Variants in CYFIP2 observed in about 807,000 individuals in gnomAD.
The protein encoded by CYFIP2 is cytoplasmic FMR1 interacting protein 2.
A neutral mutation model predicts 158.7 loss-of-function variants in CYFIP2; 29 were observed. That is an observed-to-expected ratio of 0.18 (90% CI 0.14 to 0.25). The LOEUF is 0.25. CYFIP2 is among the 10% of genes least tolerant of loss of function. CYFIP2 has a pLI of 1.00. For synonymous variants in CYFIP2, 585 were observed against 617.6 expected, an observed-to-expected ratio of 0.95 and a Z score of 0.78; for missense variants, 852 against 1,639.5, an observed-to-expected ratio of 0.52 and a Z score of 8.29.
chr5:157,385,629 C>T (rs1766603317), intron 28 of CYFIP2, among the ~76,000 whole-genome samples: 3 of 152,040 alleles, frequency 2.0e-5, no homozygotes, highest in Admixed American at 6.6e-5. Flanking sequence ...CTTCTCCACC[C>T]CTGAATTATC....
rs565413789 is a variant in CYFIP2 at position 157,297,949 on chromosome 5, A to G, written c.387+1175A>G. Among the ~76,000 whole-genome samples, 323 of 152,314 alleles carry G rather than the reference A, an allele frequency of 2.1e-3. 1 individual carries two copies. The highest frequency in any genetic ancestry group is 7.1e-3 in the African/African-American group (296 of 41,570). ...ATATTGGACAGTGCAGATATGGACC[A>G]TTTTCATCTCCCAGAGTTTAGTTGG... On this transcript the variant is annotated intron_variant, in intron 5 of 30. Transcript: ENST00000620254.
At chr5:157,298,940 A>T (rs1363546933) in intron 5 of CYFIP2, among the ~76,000 whole-genome samples, 1 of 152,104 alleles carries the variant, frequency 6.6e-6, no homozygotes, top group Non-Finnish European at 1.5e-5. Flanking sequence ...CATTGTATGG[A>T]TATACCGTAT....
At chr5:157,315,183 G>T in intron 13 of CYFIP2, 89 bp downstream of exon 13, 1 of 1,507,424 alleles carries the variant, frequency 6.6e-7, no homozygotes, top group Non-Finnish European at 8.9e-7. Flanking sequence ...AAACAGCATC[G>T]GTTGCCCTAA....
chr5:157,273,049 G>A (rs1034864505), intron 1 of CYFIP2, among the ~76,000 whole-genome samples: 1 of 151,972 alleles, frequency 6.6e-6, no homozygotes, highest in Admixed American at 6.6e-5. Flanking sequence ...TAATTTTAGT[G>A]GAAATGGGGT....
intron 26 of CYFIP2, among the ~76,000 whole-genome samples, chr5:157,382,073 G>T (rs1393355349): frequency 6.6e-6 from 1 of 152,140 alleles, no homozygotes; most frequent in Non-Finnish European, 1.5e-5. Flanking sequence ...AAACCAATCT[G>T]GCCTGGGTTC....
Position 157,393,206 on chromosome 5 carries a change from T to TC in CYFIP2, c.*206_*207insC. 2 of 304,724 alleles carry TC rather than the reference T, an allele frequency of 6.6e-6. No homozygotes were observed. The highest frequency in any genetic ancestry group is 5.3e-6 in the Non-Finnish European group (1 of 187,100). The allele number at this position is 304,724 out of a possible 1,614,324, so 18.9% of individuals were successfully genotyped here. A position where few individuals can be genotyped will look rare whatever the true frequency, so the allele number is the denominator to read the frequency against. On this transcript the variant is annotated 3_prime_UTR_variant, in exon 31 of 31. Transcript: ENST00000620254. ...CATGCTGGTTTCTCCATAGCATAAA[T>TC]GAAAAAAAAAAAAAAAAAGTAAACA...
chr5:157,289,377 G>A (rs1757647310), intron 3 of CYFIP2, among the ~76,000 whole-genome samples: 2 of 152,242 alleles, frequency 1.3e-5, no homozygotes. Flanking sequence ...TCGGGGCATA[G>A]AGGGTGTATT....
intron 27 of CYFIP2, 88 bp from the exon 28 acceptor site, chr5:157,383,177 A>T: frequency 8.9e-7 from 1 of 1,127,320 alleles, no homozygotes; most frequent in Non-Finnish European, 1.3e-6. Flanking sequence ...GAATGCAGAT[A>T]CATCATCAGG....
intron 3 of CYFIP2, among the ~76,000 whole-genome samples, chr5:157,294,407 G>GT (rs1269448868): frequency 1.3e-5 from 2 of 152,128 alleles, no homozygotes; most frequent in East Asian, 1.9e-4. Context: ...TTTCTGTTTT[G>GT]TTTTTTAACC....
intron 26 of CYFIP2, among the ~76,000 whole-genome samples, chr5:157,380,801 T>A (rs1009116068): frequency 1.3e-5 from 2 of 152,236 alleles, no homozygotes; most frequent in Non-Finnish European, 2.9e-5. Context: ...TTAGCCTGAA[T>A]GATCAGTAAG....
chr5:157,377,637 C>T (rs1765615433), intron 26 of CYFIP2, among the ~76,000 whole-genome samples: 1 of 152,136 alleles, frequency 6.6e-6, no homozygotes, highest in South Asian at 2.1e-4. Flanking sequence ...AGCCTTGTGC[C>T]TATTATTTGC....
intron 1 of CYFIP2, among the ~76,000 whole-genome samples, chr5:157,285,133 A>C (rs991508160): frequency 1.3e-5 from 2 of 152,208 alleles, no homozygotes; most frequent in African/African-American, 4.8e-5. Context: ...AACCAAGTGC[A>C]CACAAAATAC....
At chr5:157,271,024 G>A (rs1032915451) in intron 1 of CYFIP2, among the ~76,000 whole-genome samples, 3 of 152,206 alleles carry the variant, frequency 2.0e-5, no homozygotes, top group African/African-American at 7.2e-5. Flanking sequence ...AAAAACTGTG[G>A]ACTCTAGACT....
chr5:157,370,859 G>C (rs735748), intron 26 of CYFIP2, among the ~76,000 whole-genome samples: 50,767 of 152,166 alleles, frequency 0.33, 8,985 homozygotes, highest in Middle Eastern at 0.43. Flanking sequence ...TTCAGGGGAC[G>C]GAGGAAGGGG....
chr5:157,304,541 A>G, intron 8 of CYFIP2, 175 bp downstream of exon 8: 1 of 641,166 alleles, frequency 1.6e-6, no homozygotes, highest in Non-Finnish European at 2.5e-6. Flanking sequence ...TACCGTAGTC[A>G]CCTTTCCAGA....
chr5:157,283,745 C>T (rs886411501), intron 1 of CYFIP2, among the ~76,000 whole-genome samples: 2 of 152,124 alleles, frequency 1.3e-5, no homozygotes, highest in African/African-American at 2.4e-5. Context: ...GTCTGCCCTC[C>T]CAGCCTTGGG....
chr5:157,379,850 G>A (rs565980026), intron 26 of CYFIP2, among the ~76,000 whole-genome samples: 1 of 152,222 alleles, frequency 6.6e-6, no homozygotes, highest in South Asian at 2.1e-4. Context: ...GGAATTGCAA[G>A]GGACAAAGAG....
At chr5:157,379,335 C>T (rs377549521) in intron 26 of CYFIP2, among the ~76,000 whole-genome samples, 4 of 152,046 alleles carry the variant, frequency 2.6e-5, no homozygotes, top group African/African-American at 9.7e-5. Context: ...GGACAAAAGA[C>T]TGAGGAAATT....
Position 157,343,106 on chromosome 5 carries a change from C to T in CYFIP2, c.2673+1949C>T, listed in dbSNP as rs766875712. On this transcript the variant is annotated intron_variant, in intron 23 of 30. Coordinates refer to ENST00000620254, the MANE Select transcript of CYFIP2 (RefSeq NM_001037333.3). ...CATGTGGCCAGCCCTGTAAGACCAT[C>T]GCGGCTCATGGCAACGGACACACCA... The T allele has an allele frequency of 2.2e-5, 36 of 1,614,080 alleles. No homozygotes were observed. The highest frequency in any genetic ancestry group is 5.0e-5 in the Admixed American group (3 of 60,006).
Sources: gnomAD v4.1 joint callset for allele counts (sites outside exome capture counted in the v4.1 genomes callset) on GRCh38, gnomAD v4.1.1 for gene constraint, MANE v1.5 for transcripts, NCBI Gene and HGNC (gene_info 2026-07-23, HGNC 2026-07-21) for gene names.